The following COL19A1 variants were observed in gnomAD, a reference collection of about 807,000 sequenced individuals.
The protein encoded by COL19A1 is collagen alpha-1(XIX) chain.
Under a neutral mutation model 190.2 loss-of-function variants are expected in COL19A1, and 159 were observed. That is an observed-to-expected ratio of 0.84 (90% CI 0.73 to 0.95). The LOEUF is 0.95. COL19A1 is among the 40% of genes least tolerant of loss of function. The probability of loss-of-function intolerance (pLI) is 0.00; values close to 1 mark genes in which losing one functional copy is unlikely to be tolerated. For missense variants in COL19A1, 1,418 were observed against 1,431.9 expected (o/e 0.99, Z 0.16); for synonymous variants, 509 against 458.9 (o/e 1.11, Z -1.39).
At chr6:70,154,710 T>C (rs966120516) in intron 31 of COL19A1, among the ~76,000 whole-genome samples, 12 of 152,178 alleles carry the variant, frequency 7.9e-5, no homozygotes, top group Admixed American at 3.3e-4. Flanking sequence ...GTAGGGAAGC[T>C]GACAGCGCAG....
intron 11 of COL19A1, among the ~76,000 whole-genome samples, chr6:69,977,467 G>A (rs1473043619): frequency 6.6e-6 from 1 of 151,766 alleles, no homozygotes; most frequent in East Asian, 1.9e-4. Context: ...TATACCTGAT[G>A]CTAAATGACA....
At chr6:70,136,439 G>A (rs1355888553) in intron 18 of COL19A1, among the ~76,000 whole-genome samples, 1 of 152,112 alleles carries the variant, frequency 6.6e-6, no homozygotes, top group African/African-American at 2.4e-5. Flanking sequence ...ATGTTAGAAT[G>A]CTACTCATCT....
Position 69,921,602 on chromosome 6 carries a change from G to A in COL19A1, c.267-6307G>A, listed in dbSNP as rs138951342. On this transcript the variant is annotated intron_variant, in intron 4 of 50. Transcript: ENST00000620364. Reference sequence around the variant, plus strand: ...TATATTCGCACATAGATTCGTATATGTATATAGATTCGTATACGTATATAG... The same window carrying A: ...TATATTCGCACATAGATTCGTATATATATATAGATTCGTATACGTATATAG... Among the ~76,000 whole-genome samples, 152 of 140,372 alleles carry A rather than the reference G, an allele frequency of 1.1e-3. 2 individuals carry two copies. The highest frequency in any genetic ancestry group is 4.0e-3 in the African/African-American group (150 of 37,826). The allele number at this position is 140,372 out of a possible 152,430, so 92.1% of individuals were successfully genotyped here.
At chr6:70,106,387 G>T (rs1232011958) in intron 16 of COL19A1, among the ~76,000 whole-genome samples, 1 of 151,508 alleles carries the variant, frequency 6.6e-6, no homozygotes, top group Non-Finnish European at 1.5e-5. Context: ...TGTCCCCTGA[G>T]ACATTATATC....
intron 15 of COL19A1, among the ~76,000 whole-genome samples, chr6:70,084,720 A>G (rs1042549951): frequency 9.9e-5 from 15 of 152,150 alleles, no homozygotes; most frequent in African/African-American, 3.6e-4. Flanking sequence ...CCTCTGCTGT[A>G]GAGTGGCTTT....
At position 69,893,007 on chromosome 6, in the gene COL19A1, A is replaced by G. The variant is rs188113966; in HGVS notation, c.92-5941A>G. 1.2e-4 allele frequency among the ~76,000 whole-genome samples: 18 copies of G among 152,366 alleles called. No homozygotes were observed. In the East Asian group the frequency reaches 3.3e-3, roughly 28 times the overall value. On this transcript the variant is annotated intron_variant, in intron 2 of 50. Coordinates refer to ENST00000620364, the MANE Select transcript of COL19A1 (RefSeq NM_001858.6). ...CCAGGAAGAGAGAAACAAACGTGCT[A>G]CAAATTTTGTTCATAGGAGTATACC... is the stretch of plus-strand genomic sequence containing the variant.
chr6:70,062,674 A>G (rs183506453), intron 14 of COL19A1, among the ~76,000 whole-genome samples: 2 of 152,282 alleles, frequency 1.3e-5, no homozygotes, highest in Admixed American at 1.3e-4. Flanking sequence ...CAATTAAAAG[A>G]CACAGACTGG....
At chr6:69,977,580 C>CT (rs1445784140) in intron 11 of COL19A1, among the ~76,000 whole-genome samples, 1 of 149,586 alleles carries the variant, frequency 6.7e-6, no homozygotes, top group Non-Finnish European at 1.5e-5. Context: ...TAATAATAAA[C>CT]TTAAAAAAAA....
At chr6:70,096,834 A>T (rs1293288464) in intron 15 of COL19A1, among the ~76,000 whole-genome samples, 1 of 152,176 alleles carries the variant, frequency 6.6e-6, no homozygotes, top group Non-Finnish European at 1.5e-5. Flanking sequence ...AGAAATGCAG[A>T]TTCTCAGATC....
chr6:69,925,843 A>T (rs1236259261), intron 4 of COL19A1, among the ~76,000 whole-genome samples: 3 of 152,070 alleles, frequency 2.0e-5, no homozygotes, highest in Admixed American at 6.6e-5. Flanking sequence ...ATTCTCTTTG[A>T]AGTAATTGCA....
At chr6:70,042,380 A>T (rs1779676422) in intron 14 of COL19A1, among the ~76,000 whole-genome samples, 1 of 152,228 alleles carries the variant, frequency 6.6e-6, no homozygotes, top group South Asian at 2.1e-4. Flanking sequence ...TTATGTTTAT[A>T]TTATACCATG....
intron 18 of COL19A1, among the ~76,000 whole-genome samples, chr6:70,131,556 TTG>T (rs1785523472): frequency 6.6e-6 from 1 of 152,210 alleles, no homozygotes; most frequent in Non-Finnish European, 1.5e-5. Context: ...TTAGATTTTA[TTG>T]CTAGTACATT....
At chr6:70,197,177 T>C (rs1001341711) in intron 48 of COL19A1, among the ~76,000 whole-genome samples, 1 of 151,876 alleles carries the variant, frequency 6.6e-6, no homozygotes, top group Non-Finnish European at 1.5e-5. Flanking sequence ...TCCCAGCACT[T>C]TGAGAGGCTG....
intron 15 of COL19A1, among the ~76,000 whole-genome samples, chr6:70,092,314 G>A (rs1195591196): frequency 2.0e-5 from 3 of 152,040 alleles, no homozygotes; most frequent in African/African-American, 7.2e-5. Flanking sequence ...CACTCCAGAG[G>A]GAAACTGGAG....
intron 5 of COL19A1, among the ~76,000 whole-genome samples, chr6:69,929,155 T>TACACACACACACAC (rs141935825): frequency 6.8e-4 from 101 of 148,656 alleles, no homozygotes; most frequent in South Asian, 4.2e-3. Flanking sequence ...TTAAAATAAC[T>TACACACACACACAC]ACACACACAC....
In COL19A1 at chr6:70,141,926, A is replaced by T; in HGVS notation, c.1516A>T (p.Lys506Ter). 6.2e-7 allele frequency: 1 copy of T among 1,605,018 alleles called. No individual in the cohort carries two copies. Among genetic ancestry groups the T allele is most frequent in the Non-Finnish European group, 8.5e-7 (1 of 1,172,132 alleles). The stretch of plus-strand genomic sequence containing the variant: ...TGGGGTAATAGGATCACAGGGAGTA[A>T]AGGTAATTTCCTGGCATTCTTCAAT... ...EPGVIGSQGV[K>*]GEPGDPGPPG... Residue 506 changes from lysine to a stop codon, truncating the protein, a stop_gained and splice_region_variant, in exon 21 of 51, where the codon AAG becomes TAG. Coordinates refer to ENST00000620364, the MANE Select transcript of COL19A1 (RefSeq NM_001858.6). LOFTEE classifies it high-confidence loss of function.
chr6:70,047,696 A>G (rs1017536697), intron 14 of COL19A1, among the ~76,000 whole-genome samples: 7 of 152,162 alleles, frequency 4.6e-5, no homozygotes, highest in African/African-American at 1.4e-4. Flanking sequence ...TGTATGTTCT[A>G]TAACCTTCCT....
chr6:70,150,462 C>T (rs1012017698), intron 30 of COL19A1, among the ~76,000 whole-genome samples: 4 of 151,984 alleles, frequency 2.6e-5, no homozygotes, highest in African/African-American at 7.2e-5. Flanking sequence ...TAAAATGTTG[C>T]GATGATTAAA....
At chr6:70,019,378 A>T (rs1023606774) in intron 11 of COL19A1, among the ~76,000 whole-genome samples, 2 of 152,158 alleles carry the variant, frequency 1.3e-5, no homozygotes, top group African/African-American at 4.8e-5. Flanking sequence ...TTGAAAGATT[A>T]GTAATATTAA....
Sources: gnomAD v4.1 joint callset for allele counts (sites outside exome capture counted in the v4.1 genomes callset) on GRCh38, gnomAD v4.1.1 for gene constraint, MANE v1.5 for transcripts, NCBI Gene and HGNC (gene_info 2026-07-23, HGNC 2026-07-21) for gene names.